The following CA10 variants were observed in gnomAD, a reference collection of about 807,000 sequenced individuals.
The protein encoded by CA10 is carbonic anhydrase-related protein 10.
A neutral mutation model predicts 44.2 loss-of-function variants in CA10; 14 were observed. The ratio of observed to expected loss-of-function variants is 0.32; its 90% CI spans 0.21 to 0.50. The LOEUF (loss-of-function observed/expected upper bound fraction) is 0.50, where lower values mean the gene tolerates loss of function less well. CA10 is among the 20% of genes least tolerant of loss of function. The pLI, the probability that CA10 is intolerant of heterozygous loss-of-function variation, is 0.99. For synonymous variants in CA10, 159 were observed against 141.6 expected (o/e 1.12, Z -0.87); for missense variants, 350 against 409.7 (o/e 0.85, Z 1.26).
At chr17:51,878,433 T>C (rs1044494760) in intron 3 of CA10, among the ~76,000 whole-genome samples, 2 of 152,090 alleles carry the variant, frequency 1.3e-5, no homozygotes, top group Non-Finnish European at 2.9e-5. Flanking sequence ...TATTTAGAGA[T>C]GTGAAGAGTT....
At chr17:51,931,365 C>T (rs1476611811) in intron 2 of CA10, among the ~76,000 whole-genome samples, 1 of 152,126 alleles carries the variant, frequency 6.6e-6, no homozygotes, top group Admixed American at 6.6e-5. Context: ...GAGGCCCACT[C>T]ATCCTGCAGT....
chr17:51,851,153 A>C (rs542681236), intron 3 of CA10, among the ~76,000 whole-genome samples: 1 of 152,340 alleles, frequency 6.6e-6, no homozygotes, highest in South Asian at 2.1e-4. Flanking sequence ...CTTATTAGCT[A>C]TGTGACTTTG....
intron 4 of CA10, among the ~76,000 whole-genome samples, chr17:51,722,091 T>C (rs2143533482): frequency 6.6e-6 from 1 of 152,224 alleles, no homozygotes; most frequent in African/African-American, 2.4e-5. Flanking sequence ...GATGTTAACT[T>C]TAGGTAGATA....
At chr17:52,002,028 C>G (rs1985442802) in intron 2 of CA10, among the ~76,000 whole-genome samples, 1 of 151,768 alleles carries the variant, frequency 6.6e-6, no homozygotes, top group African/African-American at 2.4e-5. Context: ...GATAGCCACT[C>G]TGAGATTTAT....
intron 3 of CA10, among the ~76,000 whole-genome samples, chr17:51,830,380 C>T (rs184894400): frequency 4.7e-3 from 708 of 151,818 alleles, no homozygotes; most frequent in Non-Finnish European, 8.0e-3. Context: ...ATCTCTTTTT[C>T]TCTCTCTCTC....
chr17:52,131,755 G>A (rs1193930496), intron 1 of CA10, among the ~76,000 whole-genome samples: 1 of 152,118 alleles, frequency 6.6e-6, no homozygotes, highest in African/African-American at 2.4e-5. Context: ...TATATTGTAT[G>A]TGTATTGGTG....
chr17:51,809,324 G>T (rs1366629855), intron 3 of CA10, among the ~76,000 whole-genome samples: 2 of 152,132 alleles, frequency 1.3e-5, no homozygotes, highest in African/African-American at 4.8e-5. Flanking sequence ...CAATGCTGGG[G>T]TTACAAAGAT....
At chr17:51,933,474 C>T (rs979528011) in intron 2 of CA10, among the ~76,000 whole-genome samples, 1 of 152,072 alleles carries the variant, frequency 6.6e-6, no homozygotes, top group Non-Finnish European at 1.5e-5. Flanking sequence ...ACAATGGATT[C>T]TCCACCTAGA....
At chr17:51,905,925 C>A (rs1157957683) in intron 3 of CA10, among the ~76,000 whole-genome samples, 1 of 152,240 alleles carries the variant, frequency 6.6e-6, no homozygotes, top group South Asian at 2.1e-4. Flanking sequence ...TGTACCCACA[C>A]AGAAACCCTC....
At chr17:52,054,217 A>G (rs549135717) in intron 2 of CA10, among the ~76,000 whole-genome samples, 2 of 152,288 alleles carry the variant, frequency 1.3e-5, no homozygotes, top group African/African-American at 4.8e-5. Context: ...GAGAAAGAGA[A>G]TGTGTCCCTA....
At chr17:52,014,889 T>C (rs1985919732) in intron 2 of CA10, among the ~76,000 whole-genome samples, 1 of 152,044 alleles carries the variant, frequency 6.6e-6, no homozygotes, top group African/African-American at 2.4e-5. Flanking sequence ...ATCTTGCAAT[T>C]AATTGGGCAA....
intron 4 of CA10, among the ~76,000 whole-genome samples, chr17:51,744,563 T>A (rs1263249192): frequency 6.6e-6 from 1 of 152,068 alleles, no homozygotes; most frequent in African/African-American, 2.4e-5. Flanking sequence ...TGAACTGTGA[T>A]GGTGCTACCA....
chr17:51,849,145 T>TTA (rs1185738149), intron 3 of CA10, among the ~76,000 whole-genome samples: 4 of 127,940 alleles, frequency 3.1e-5, no homozygotes, highest in East Asian at 2.2e-4. Flanking sequence ...ACTTAGTTTT[T>TTA]TATATATATA....
intron 2 of CA10, among the ~76,000 whole-genome samples, chr17:52,063,808 C>T (rs1987458512): frequency 6.6e-6 from 1 of 152,176 alleles, no homozygotes; most frequent in Non-Finnish European, 1.5e-5. Flanking sequence ...ATTATCCAGC[C>T]TCAGGTATTC....
intron 4 of CA10, among the ~76,000 whole-genome samples, chr17:51,710,219 C>A (rs1024018102): frequency 6.6e-5 from 10 of 152,176 alleles, no homozygotes; most frequent in Admixed American, 6.5e-4. Flanking sequence ...TAATTTTGTG[C>A]TGAACAGAAG....
chr17:52,153,213 G>A (rs1041375279), intron 1 of CA10, among the ~76,000 whole-genome samples: 1 of 152,092 alleles, frequency 6.6e-6, no homozygotes, highest in Non-Finnish European at 1.5e-5. Flanking sequence ...TTTTATCTAT[G>A]ATGATGGTTA....
intron 4 of CA10, among the ~76,000 whole-genome samples, chr17:51,694,185 C>T (rs1217366413): frequency 6.7e-6 from 1 of 149,644 alleles, no homozygotes; most frequent in Non-Finnish European, 1.5e-5. Flanking sequence ...GCCTGGGCAA[C>T]AAGAGCGAAA....
rs556690035 is a variant in CA10, at chr17:52,088,335, G to A, written c.62-15942C>T. On this transcript the variant is annotated intron_variant, in intron 1 of 8. Coordinates refer to ENST00000451037, the MANE Select transcript of CA10 (RefSeq NM_020178.5). ...AGTTCAGTAGTCAGCAAACTCCAAA[G>A]TTTTTAAATATCACATGCAGTCATT... Among the ~76,000 whole-genome samples the A allele has an allele frequency of 3.7e-3, 556 of 152,280 alleles. 6 individuals are homozygous for A. Among genetic ancestry groups the A allele is most frequent in the South Asian group, 0.029 (141 of 4,824 alleles).
intron 4 of CA10, among the ~76,000 whole-genome samples, chr17:51,699,389 T>G (rs1053663782): frequency 6.6e-6 from 1 of 151,856 alleles, no homozygotes; most frequent in Admixed American, 6.6e-5. Flanking sequence ...GATAGTAAGG[T>G]GGTTTGAGGA....
Sources: gnomAD v4.1 joint callset for allele counts (sites outside exome capture counted in the v4.1 genomes callset) on GRCh38, gnomAD v4.1.1 for gene constraint, MANE v1.5 for transcripts, NCBI Gene and HGNC (gene_info 2026-07-23, HGNC 2026-07-21) for gene names.